The following NEGR1 variants were observed in gnomAD, a reference collection of about 807,000 sequenced individuals.
NEGR1 encodes the protein neuronal growth regulator 1, also known as IgLON family member 4.
Under a neutral mutation model 40.9 loss-of-function variants are expected in NEGR1, and 10 were observed. The observed-to-expected ratio is 0.24, with a 90% CI of 0.15 to 0.42. The LOEUF (loss-of-function observed/expected upper bound fraction) is 0.42, where lower values mean the gene tolerates loss of function less well. Among genes scored for constraint, NEGR1 ranks in the 10% least tolerant of loss-of-function variants. The pLI, the probability that NEGR1 is intolerant of heterozygous loss-of-function variation, is 1.00. For missense variants in NEGR1, 352 were observed against 438.9 expected, an observed-to-expected ratio of 0.80 and a Z score of 1.77; for synonymous variants, 185 against 166.8, an observed-to-expected ratio of 1.11 and a Z score of -0.84.
chr1:72,132,259 T>C (rs1349354970), intron 1 of NEGR1, among the ~76,000 whole-genome samples: 2 of 152,110 alleles, frequency 1.3e-5, no homozygotes, highest in African/African-American at 4.8e-5. Context: ...TTACTGTCCA[T>C]AGAGAATTAA....
chr1:71,986,675 T>C (rs924123080), intron 1 of NEGR1, among the ~76,000 whole-genome samples: 8 of 152,234 alleles, frequency 5.3e-5, no homozygotes, highest in Admixed American at 2.0e-4. Flanking sequence ...CTTTCAAGCA[T>C]CTGGTCTCTC....
At chr1:71,918,604 A>G (rs1026806970) in intron 2 of NEGR1, among the ~76,000 whole-genome samples, 25 of 152,144 alleles carry the variant, frequency 1.6e-4, no homozygotes, top group Admixed American at 1.6e-3. Flanking sequence ...CTTCAAGGGT[A>G]AATTTATGTT....
chr1:71,872,396 G>A (rs925588655), intron 2 of NEGR1, among the ~76,000 whole-genome samples: 2 of 152,216 alleles, frequency 1.3e-5, no homozygotes, highest in African/African-American at 4.8e-5. Flanking sequence ...TCTGTTCACC[G>A]CGTATTTCTG....
intron 6 of NEGR1, among the ~76,000 whole-genome samples, chr1:71,471,893 T>TTCTCA (rs1646784803): frequency 1.1e-4 from 16 of 152,060 alleles, no homozygotes; most frequent in Admixed American, 1.1e-3. Context: ...CTTCTCAGTC[T>TTCTCA]GGCATTCCTG....
intron 2 of NEGR1, among the ~76,000 whole-genome samples, chr1:71,802,726 G>A (rs2101750069): frequency 6.6e-6 from 1 of 152,276 alleles, no homozygotes; most frequent in Non-Finnish European, 1.5e-5. Context: ...AATGGCTTGG[G>A]ACTCATCATG....
At chr1:71,503,587 C>T (rs923901925) in intron 6 of NEGR1, among the ~76,000 whole-genome samples, 15 of 152,084 alleles carry the variant, frequency 9.9e-5, no homozygotes, top group Admixed American at 2.6e-4. Flanking sequence ...CTTCCCTATC[C>T]CTTCCACACA....
intron 3 of NEGR1, among the ~76,000 whole-genome samples, chr1:71,724,840 T>C (rs1654621985): frequency 6.6e-6 from 1 of 152,076 alleles, no homozygotes; most frequent in African/African-American, 2.4e-5. Flanking sequence ...TTCTTCTTTC[T>C]GGTACTTTTT....
At chr1:72,214,118 A>G (rs886703253) in intron 1 of NEGR1, among the ~76,000 whole-genome samples, 1 of 152,220 alleles carries the variant, frequency 6.6e-6, no homozygotes, top group African/African-American at 2.4e-5. Flanking sequence ...CAAAAACAAA[A>G]TTATTATCTC....
chr1:71,812,486 A>G (rs781240515), intron 2 of NEGR1, among the ~76,000 whole-genome samples: 5 of 152,160 alleles, frequency 3.3e-5, no homozygotes, highest in Non-Finnish European at 7.3e-5. Context: ...GTCTTCCACA[A>G]TAGTTGAACT....
chr1:71,973,670 T>A (rs938359003), intron 1 of NEGR1, among the ~76,000 whole-genome samples: 12 of 152,164 alleles, frequency 7.9e-5, no homozygotes, highest in African/African-American at 2.9e-4. Context: ...GCAAAATGAA[T>A]CTCACAGGAG....
chr1:71,657,548 G>A (rs1195185410), intron 4 of NEGR1, among the ~76,000 whole-genome samples: 1 of 151,906 alleles, frequency 6.6e-6, no homozygotes, highest in Non-Finnish European at 1.5e-5. Context: ...AACTAATTTA[G>A]AAACAAAAAA....
intron 4 of NEGR1, among the ~76,000 whole-genome samples, chr1:71,685,593 T>A (rs1005511005): frequency 6.6e-6 from 1 of 152,194 alleles, no homozygotes; most frequent in Non-Finnish European, 1.5e-5. Flanking sequence ...GTGCTGGGAT[T>A]ACAGGCATGA....
intron 1 of NEGR1, among the ~76,000 whole-genome samples, chr1:72,010,025 A>G (rs528363489): frequency 6.6e-6 from 1 of 152,182 alleles, no homozygotes; most frequent in Admixed American, 6.6e-5. Context: ...CAGGAAGAGG[A>G]ACCACTGGCA....
At chr1:71,964,012 G>C (rs1205421126) in intron 1 of NEGR1, among the ~76,000 whole-genome samples, 1 of 152,118 alleles carries the variant, frequency 6.6e-6, no homozygotes, top group African/African-American at 2.4e-5. Context: ...GAGGGGTGGT[G>C]TTCTTTCTGT....
In NEGR1 at chr1:71,402,654, C is replaced by T. The variant is rs572320196; in HGVS notation, c.*4792G>A. On this transcript the variant is annotated 3_prime_UTR_variant, in exon 7 of 7. Coordinates refer to ENST00000357731, the MANE Select transcript of NEGR1 (RefSeq NM_173808.3). ...GGAAAGTTCAGAGGGAGTACATTGACGGGTGTTTGGATCAAATTCCACTAA... is the reference window on the plus strand; with the variant it reads ...GGAAAGTTCAGAGGGAGTACATTGATGGGTGTTTGGATCAAATTCCACTAA... The T allele has an allele frequency of 8.5e-5, 13 of 152,148 alleles. No individual in the cohort carries two copies. Among genetic ancestry groups the T allele is most frequent in the African/African-American group, 1.9e-4 (8 of 41,526 alleles). The allele number at this position is 152,148 out of a possible 1,614,324, so 9.4% of individuals were successfully genotyped here.
At chr1:71,919,886 A>G (rs1021026910) in intron 2 of NEGR1, among the ~76,000 whole-genome samples, 3 of 152,174 alleles carry the variant, frequency 2.0e-5, no homozygotes, top group Admixed American at 2.0e-4. Flanking sequence ...AACTGAATGG[A>G]TAACTTTGAA....
chr1:71,882,524 A>G (rs1051941975), intron 2 of NEGR1, among the ~76,000 whole-genome samples: 2 of 152,226 alleles, frequency 1.3e-5, no homozygotes, highest in East Asian at 1.9e-4. Flanking sequence ...AATGTTTCCC[A>G]TAAGAACACT....
chr1:72,263,761 C>T (rs1655546514), intron 1 of NEGR1, among the ~76,000 whole-genome samples: 2 of 151,372 alleles, frequency 1.3e-5, no homozygotes, highest in Admixed American at 6.6e-5. Context: ...AAAACTCTCT[C>T]TTACCTCTTA....
intron 3 of NEGR1, among the ~76,000 whole-genome samples, chr1:71,735,378 C>A (rs1341160408): frequency 6.6e-6 from 1 of 152,074 alleles, no homozygotes; most frequent in African/African-American, 2.4e-5. Context: ...GTTGAGAGCA[C>A]AAAATACATC....
Sources: gnomAD v4.1 joint callset for allele counts (sites outside exome capture counted in the v4.1 genomes callset) on GRCh38, gnomAD v4.1.1 for gene constraint, MANE v1.5 for transcripts, NCBI Gene and HGNC (gene_info 2026-07-23, HGNC 2026-07-21) for gene names.